Variants in EDRF1 observed in about 807,000 individuals in gnomAD.
EDRF1 encodes the protein erythroid differentiation regulatory factor 1, also known as erythroid differentiation-related factor 1.
EDRF1 carries 69 observed loss-of-function variants against 148.7 expected under a neutral mutation model. That is an observed-to-expected ratio of 0.46 (90% CI 0.38 to 0.57). EDRF1 has a LOEUF of 0.57. EDRF1 is among the 20% of genes least tolerant of loss of function. EDRF1 has a pLI of 0.00. For synonymous variants in EDRF1, 515 were observed against 532.8 expected (o/e 0.97, Z 0.46); for missense variants, 1,118 against 1,478.7 (o/e 0.76, Z 4.00).
At chr10:125,740,301 C>T (rs1019568058) in intron 15 of EDRF1, among the ~76,000 whole-genome samples, 162 bp from the exon 16 acceptor site, 1 of 152,194 alleles carries the variant, frequency 6.6e-6, no homozygotes, top group Non-Finnish European at 1.5e-5. Flanking sequence ...TCTTTTAACA[C>T]GGCCATTTCA....
At chr10:125,742,949 A>G in intron 17 of EDRF1, 109 bp from the exon 18 acceptor site, 1 of 1,508,676 alleles carries the variant, frequency 6.6e-7, no homozygotes, top group Non-Finnish European at 8.9e-7. Context: ...GTATACTTAC[A>G]CTATATTGCA....
chr10:125,728,864 A>T, intron 6 of EDRF1, 139 bp from the exon 7 acceptor site: 2 of 655,980 alleles, frequency 3.0e-6, no homozygotes, highest in South Asian at 2.3e-5. Flanking sequence ...GAGGCGTGTT[A>T]TTATTTGTAT....
In EDRF1 at chr10:125,747,637, T is replaced by A. The variant is rs746869629; in HGVS notation, c.2916T>A (p.Phe972Leu). 6.2e-7 allele frequency: 1 copy of A among 1,614,188 alleles called. No homozygotes were observed. ...ACTGGGAATTGTCCACTACTTACTT[T>A]ACTATGGCAACTCTACAGCAAGATT... ...SVNWELSTTY[F>L]TMATLQQDYA... The change falls in exon 20 of 25, where the codon TTT becomes TTA. Residue 972 changes from phenylalanine (F) to leucine (L), a missense_variant. Coordinates refer to ENST00000356792, the MANE Select transcript of EDRF1 (RefSeq NM_001202438.2).
intron 9 of EDRF1, among the ~76,000 whole-genome samples, chr10:125,732,144 C>T (rs1487469487): frequency 6.6e-6 from 1 of 152,148 alleles, no homozygotes; most frequent in Non-Finnish European, 1.5e-5. Flanking sequence ...TGAAAGTCTG[C>T]TGTATGATTC....
Position 125,763,226 on chromosome 10 carries a change from C to A in EDRF1, c.3546-75C>A. ...GAGTGACTGTTGGGCTGTCACTGTC[C>A]GGTTTTCTGGACCTCTGAATTGTCG... On this transcript the variant is annotated intron_variant, in intron 24 of 24. Coordinates refer to ENST00000356792, the MANE Select transcript of EDRF1 (RefSeq NM_001202438.2). This position sits in a 1 kb window ranked among gnomAD's most constrained non-coding sequence, Gnocchi z 4.3. The A allele has an allele frequency of 6.9e-7, 1 of 1,451,330 alleles. No individual in the cohort carries two copies. The allele number at this position is 1,451,330 out of a possible 1,614,324, so 89.9% of individuals were successfully genotyped here. A position where few individuals can be genotyped will look rare whatever the true frequency, so the allele number is the denominator to read the frequency against.
At chr10:125,739,067 G>A (rs1848879621) in intron 15 of EDRF1, among the ~76,000 whole-genome samples, 1 of 151,354 alleles carries the variant, frequency 6.6e-6, no homozygotes, top group African/African-American at 2.4e-5. Context: ...AACCTAAGTT[G>A]TATTTCTTTT....
chr10:125,761,268 C>A, intron 24 of EDRF1: 1 of 363,426 alleles, frequency 2.8e-6, no homozygotes, highest in Non-Finnish European at 5.5e-6. Flanking sequence ...ACTGCATTGG[C>A]ATTGACCTGC....
chr10:125,753,669 T>C lies in EDRF1; in HGVS notation c.3394-25T>C, dbSNP rs781779935. On this transcript the variant is annotated intron_variant, in intron 23 of 24. Transcript: ENST00000356792. ...AACTACAGTTGTTGGATAGCTCGAG[T>C]AAAATAACTTTTTGTTGTTTTTAGC... 26 of 1,613,678 alleles carry C rather than the reference T, an allele frequency of 1.6e-5. No homozygotes were observed. In the Admixed American group the frequency reaches 4.3e-4, roughly 27 times the overall value.
chr10:125,725,521 T>C, intron 5 of EDRF1, 79 bp downstream of exon 5: 2 of 1,594,450 alleles, frequency 1.3e-6, no homozygotes, highest in Non-Finnish European at 1.7e-6. Flanking sequence ...AATGAAGTTA[T>C]AATTTAAGTT....
intron 9 of EDRF1, among the ~76,000 whole-genome samples, chr10:125,732,558 A>T (rs1848527346): frequency 1.3e-5 from 2 of 152,170 alleles, no homozygotes; most frequent in Admixed American, 1.3e-4. Flanking sequence ...TCATAGGGGT[A>T]AAAATAGAAG....
chr10:125,741,270 A>G (rs1320533767), intron 17 of EDRF1, 69 bp downstream of exon 17: 1 of 1,358,802 alleles, frequency 7.4e-7, no homozygotes, highest in African/African-American at 1.4e-5. Context: ...TTATTTGAGT[A>G]TTCAGAAAAG....
intron 13 of EDRF1, among the ~76,000 whole-genome samples, chr10:125,737,590 A>G (rs1423501699): frequency 6.6e-6 from 1 of 152,208 alleles, no homozygotes; most frequent in Non-Finnish European, 1.5e-5. Context: ...TAAATTAAAC[A>G]ACGAGAATAT....
rs374630103 is a variant in EDRF1, at chr10:125,734,173, G to A, written c.1487G>A (p.Arg496Lys). ...TGTCTGAAATTACTGGACAAAAGTAGGCATCCTCAAGTAAGATTAACATTT... is the reference window on the plus strand; with the variant it reads ...TGTCTGAAATTACTGGACAAAAGTAAGCATCCTCAAGTAAGATTAACATTT... ...LNCLKLLDKS[R>K]HPQIIASANY... Residue 496 changes from arginine (R) to lysine (K), a missense_variant, in exon 12 of 25, where the codon AGG becomes AAG. By Grantham distance (26) the Arg-to-Lys change is conservative. Transcript: ENST00000356792. The A allele has an allele frequency of 2.1e-5, 34 of 1,606,316 alleles. No individual in the cohort carries two copies. Among genetic ancestry groups the A allele is most frequent in the Non-Finnish European group, 2.9e-5 (34 of 1,173,180 alleles).
intron 22 of EDRF1, among the ~76,000 whole-genome samples, chr10:125,752,501 G>C (rs1381415401): frequency 6.6e-6 from 1 of 152,178 alleles, no homozygotes. Flanking sequence ...GGTGGGCCTC[G>C]AGCCCCAGAC....
chr10:125,762,393 G>A lies in EDRF1; in HGVS notation c.3546-908G>A, dbSNP rs187422641. On this transcript the variant is annotated intron_variant, in intron 24 of 24. Coordinates refer to ENST00000356792, the MANE Select transcript of EDRF1 (RefSeq NM_001202438.2). The stretch of plus-strand genomic sequence containing the variant: ...GCCTATCTGAGGGGATGGGATTATT[G>A]TAAGGCTCAGATGTGTTCATGGACA... Among the ~76,000 whole-genome samples, 3 of 152,036 alleles carry A rather than the reference G, an allele frequency of 2.0e-5. No individual in the cohort carries two copies. The East Asian group carries it at 5.8e-4, about 29-fold the overall frequency.
chr10:125,733,109 T>G (rs940459816), intron 9 of EDRF1, among the ~76,000 whole-genome samples: 1 of 152,236 alleles, frequency 6.6e-6, no homozygotes, highest in African/African-American at 2.4e-5. Flanking sequence ...GTAGTCAGTA[T>G]GATTTGTTCC....
chr10:125,751,607 A>G (rs1348462648), intron 22 of EDRF1, among the ~76,000 whole-genome samples: 2 of 152,186 alleles, frequency 1.3e-5, no homozygotes, highest in Non-Finnish European at 2.9e-5. Flanking sequence ...TATACTTCTA[A>G]AGGAAGAAGG....
At chr10:125,753,995 C>A in intron 24 of EDRF1, 150 bp downstream of exon 24, 3 of 798,140 alleles carry the variant, frequency 3.8e-6, no homozygotes, top group Non-Finnish European at 6.0e-6. Context: ...GCAGGCAGAT[C>A]ACTTGAGTTC....
chr10:125,746,216 G>C (rs1162425094), intron 19 of EDRF1, among the ~76,000 whole-genome samples: 1 of 152,218 alleles, frequency 6.6e-6, no homozygotes, highest in East Asian at 1.9e-4. Context: ...AAGTGAAACT[G>C]TAAAAGTATT....
Sources: allele counts gnomAD v4.1 joint callset (sites outside exome capture counted in the v4.1 genomes callset), GRCh38; gene constraint gnomAD v4.1.1; non-coding constraint Gnocchi (gnomAD v3.1); transcripts MANE v1.5; gene names NCBI Gene and HGNC (gene_info 2026-07-23, HGNC 2026-07-21).